SVIL: variants seen among roughly 807,000 people sequenced by gnomAD.
The protein encoded by SVIL is supervillin.
In SVIL, 101 loss-of-function variants were observed where a neutral mutation model predicts 240.4. The observed-to-expected ratio is 0.42, with a 90% CI of 0.36 to 0.50. The LOEUF (loss-of-function observed/expected upper bound fraction) is 0.50, where lower values mean the gene tolerates loss of function less well. SVIL is among the 20% of genes least tolerant of loss of function. The pLI is 0.01. For missense variants in SVIL, 2,512 were observed against 2,818.7 expected (o/e 0.89, Z 2.46); for synonymous variants, 999 against 1,100.0 (o/e 0.91, Z 1.82).
chr10:29,524,455 GACTATAGC>G lies in SVIL; in HGVS notation c.2586+9_2586+16del, dbSNP rs1278587320. 6.2e-7 allele frequency: 1 copy of G among 1,613,222 alleles called. No individual in the cohort carries two copies. The highest frequency in any genetic ancestry group is 1.3e-5 in the African/African-American group (1 of 74,894). On this transcript the variant is annotated intron_variant, in intron 14 of 37. Transcript: ENST00000355867. ...AACACACACACACAAACTGCAATCG[GACTATAGC>G]ACACCCACCTGCTCCACCTCTCCCA...
intron 1 of SVIL, chr10:29,576,239 C>T (rs576068098): frequency 1.3e-3 from 517 of 394,656 alleles, no homozygotes; most frequent in Non-Finnish European, 1.7e-3. Flanking sequence ...CATGATTACC[C>T]TTGTGCACTC....
intron 1 of SVIL, among the ~76,000 whole-genome samples, chr10:29,624,300 G>A (rs952334967): frequency 1.3e-5 from 2 of 152,138 alleles, no homozygotes; most frequent in African/African-American, 4.8e-5. Context: ...CCCTCTGGGA[G>A]GCCGAGGTGG....
chr10:29,532,602 C>G lies in SVIL; in HGVS notation c.1765G>C (p.Asp589His). 2 of 1,614,076 alleles carry G rather than the reference C, an allele frequency of 1.2e-6. No individual in the cohort carries two copies. Among genetic ancestry groups the G allele is most frequent in the Non-Finnish European group, 1.7e-6 (2 of 1,179,930 alleles). Residue 589 changes from aspartate to histidine, a missense_variant, in exon 8 of 38, where the codon GAC becomes CAC. Physicochemically the swap from Asp to His is moderately conservative, Grantham distance 81. Around this residue, in one of 3 missense-constraint regions of SVIL, gnomAD observed 1,443 missense variants for 1,486.6 expected, o/e 0.97. Transcript: ENST00000355867. The part of the protein sequence containing the change: ...EGPYGEISML[D>H]TKVSVAQLRS... The stretch of plus-strand genomic sequence containing the variant: ...AGCTGGGCGACAGAGACTTTTGTGT[C>G]CAGCATGCTGATCTCCCCATAAGGC...
rs759072416 is a variant in SVIL, at chr10:29,480,817, C to T, written c.5101-4G>A. ...TGACATCAGTCCTGGGGTCTTCCTA[C>T]AGGGGAACACAAAGACATCAGTTCA... is the stretch of plus-strand genomic sequence containing the variant. On this transcript the variant is annotated splice_region_variant and splice_polypyrimidine_tract_variant and intron_variant, in intron 28 of 37. Transcript: ENST00000355867. The T allele has an allele frequency of 6.3e-7, 1 of 1,598,856 alleles. No individual in the cohort carries two copies. Among genetic ancestry groups the T allele is most frequent in the African/African-American group, 1.3e-5 (1 of 74,896 alleles).
chr10:29,473,277 G>A (rs184193824), intron 30 of SVIL, among the ~76,000 whole-genome samples: 24 of 152,316 alleles, frequency 1.6e-4, no homozygotes, highest in African/African-American at 5.1e-4. Context: ...AGGCTGCCAC[G>A]AATACAGGTG....
At chr10:29,617,958 A>C (rs1049341261) in intron 1 of SVIL, among the ~76,000 whole-genome samples, 1 of 152,254 alleles carries the variant, frequency 6.6e-6, no homozygotes, top group African/African-American at 2.4e-5. Flanking sequence ...CTAAAGTACC[A>C]GCCATCATTA....
intron 3 of SVIL, among the ~76,000 whole-genome samples, chr10:29,650,130 C>G (rs1026792287): frequency 5.3e-5 from 8 of 152,138 alleles, no homozygotes; most frequent in Non-Finnish European, 1.0e-4. Context: ...TATGGCAGCA[C>G]GAAGTGGACT....
intron 3 of SVIL, among the ~76,000 whole-genome samples, chr10:29,645,062 T>G (rs932624313): frequency 5.3e-5 from 8 of 152,250 alleles, no homozygotes; most frequent in African/African-American, 1.9e-4. Context: ...AAATTTAGCT[T>G]TATATTTAAT....
intron 30 of SVIL, among the ~76,000 whole-genome samples, chr10:29,473,014 G>T (rs1945762266): frequency 6.6e-6 from 1 of 152,182 alleles, no homozygotes. Context: ...ATACGTAGAG[G>T]CAGTATGGAG....
intron 3 of SVIL, among the ~76,000 whole-genome samples, chr10:29,642,417 G>GAGAAAGAAAGAAAGAA (rs71020802): frequency 2.4e-5 from 3 of 123,454 alleles, no homozygotes; most frequent in Non-Finnish European, 4.9e-5. Context: ...GAGAGAGAGT[G>GAGAAAGAAAGAAAGAA]AGAAAGAAAG....
rs149688596 is a variant in SVIL at position 29,533,127 on chromosome 10, C to T, written c.1240G>A (p.Gly414Arg). Reference sequence around the variant, plus strand: ...ACATGGAGAACTGGGCTATCCCTTCCGTCACCTTCTAGAACCGTCAAGCTG... The same window carrying T: ...ACATGGAGAACTGGGCTATCCCTTCTGTCACCTTCTAGAACCGTCAAGCTG... ...PPSLTVLEGD[G>R]RDSPVLHVCE... The change falls in exon 8 of 38, where the codon GGA becomes AGA. Residue 414 changes from glycine (G) to arginine (R), a missense_variant. Physicochemically the swap from Gly to Arg is moderately radical, Grantham distance 125 (BLOSUM62 -2). Coordinates refer to ENST00000355867, the MANE Select transcript of SVIL (RefSeq NM_021738.3). 150 of 1,614,044 alleles carry T rather than the reference C, an allele frequency of 9.3e-5. No individual in the cohort carries two copies. Among genetic ancestry groups the T allele is most frequent in the Admixed American group, 2.8e-4 (17 of 59,994 alleles).
chr10:29,535,583 G>A (rs1951684729), intron 7 of SVIL, among the ~76,000 whole-genome samples: 1 of 152,190 alleles, frequency 6.6e-6, no homozygotes, highest in South Asian at 2.1e-4. Flanking sequence ...TGAAAGCAAG[G>A]AGGCTGGAAG....
chr10:29,600,773 T>C (rs2505899), intron 1 of SVIL, among the ~76,000 whole-genome samples: 63,786 of 152,038 alleles, frequency 0.42, 14,300 homozygotes, highest in Non-Finnish European at 0.5. Context: ...AAACAAATCC[T>C]GTGAACCAGG....
At chr10:29,690,892 C>A (rs930942142) in intron 1 of SVIL, among the ~76,000 whole-genome samples, 30 of 152,156 alleles carry the variant, frequency 2.0e-4, no homozygotes, top group African/African-American at 7.0e-4. Flanking sequence ...TGAGAACAAT[C>A]AAGTTGGCTG....
Position 29,634,592 on chromosome 10 carries a change from T to C in SVIL, c.-373A>G, listed in dbSNP as rs1291403829. 6.6e-6 allele frequency: 1 copy of C among 152,190 alleles called. No individual in the cohort carries two copies. The highest frequency in any genetic ancestry group is 1.9e-4 in the East Asian group (1 of 5,198). The allele number at this position is 152,190 out of a possible 1,614,324, so 9.4% of individuals were successfully genotyped here. Reference sequence around the variant, plus strand: ...AGTCTCTTTCCAATGAATACTACTTTCAAATTCTAAGCACAAAGTAAAATC... The same window carrying C: ...AGTCTCTTTCCAATGAATACTACTTCCAAATTCTAAGCACAAAGTAAAATC... On this transcript the variant is annotated 5_prime_UTR_variant, in exon 1 of 38. Transcript: ENST00000355867.
upstream of SVIL, among the ~76,000 whole-genome samples, chr10:29,638,775 G>A (rs1314163548): frequency 6.6e-6 from 1 of 152,102 alleles, no homozygotes; most frequent in African/African-American, 2.4e-5. Context: ...AGGCTGTGTA[G>A]ATACTTAAAA....
intron 1 of SVIL, among the ~76,000 whole-genome samples, chr10:29,729,705 G>A (rs1024475413): frequency 6.0e-5 from 9 of 149,112 alleles, no homozygotes; most frequent in East Asian, 2.0e-4. Context: ...GTGGTGGCAC[G>A]CACCTGTAGT....
At chr10:29,719,921 T>A (rs1247093) in intron 1 of SVIL, among the ~76,000 whole-genome samples, 82,246 of 151,968 alleles carry the variant, frequency 0.54, 22,467 homozygotes, top group South Asian at 0.72. Context: ...GGCTGAAAAA[T>A]TATGCCAAAC....
chr10:29,670,170 A>C (rs1238907695), intron 2 of SVIL, among the ~76,000 whole-genome samples: 1 of 152,200 alleles, frequency 6.6e-6, no homozygotes, highest in Non-Finnish European at 1.5e-5. Context: ...TTAAACCTTA[A>C]GACTTTAAAC....
Sources: allele counts gnomAD v4.1 joint callset (sites outside exome capture counted in the v4.1 genomes callset), GRCh38; gene constraint gnomAD v4.1.1; regional missense constraint gnomAD v4.1.1; transcripts MANE v1.5; gene names NCBI Gene and HGNC (gene_info 2026-07-23, HGNC 2026-07-21).